LHFPL2: variants seen among roughly 807,000 people sequenced by gnomAD.
LHFPL2 encodes the protein LHFPL tetraspan subfamily member 2.
LHFPL2 carries 7 observed loss-of-function variants against 17.5 expected under a neutral mutation model. The ratio of observed to expected loss-of-function variants is 0.40; its 90% CI spans 0.23 to 0.75. LHFPL2 has a LOEUF of 0.75. Ranked by LOEUF, LHFPL2 falls within the 30% of genes least tolerant of loss-of-function variation. The pLI is 0.37. For synonymous variants in LHFPL2, 134 were observed against 116.2 expected (o/e 1.15, Z -0.99); for missense variants, 241 against 294.8 (o/e 0.82, Z 1.34).
intron 3 of LHFPL2, among the ~76,000 whole-genome samples, chr5:78,513,559 G>A (rs975779510): frequency 1.3e-5 from 2 of 152,178 alleles, no homozygotes; most frequent in African/African-American, 4.8e-5. Context: ...TGGTGATATG[G>A]TTTAGCTGTG....
intron 2 of LHFPL2, among the ~76,000 whole-genome samples, chr5:78,603,232 G>C (rs1744086244): frequency 6.6e-6 from 1 of 152,120 alleles, no homozygotes; most frequent in Non-Finnish European, 1.5e-5. Context: ...TGGAAACTGA[G>C]GCTCCGCAGG....
intron 2 of LHFPL2, among the ~76,000 whole-genome samples, chr5:78,583,968 G>A (rs1327136712): frequency 6.6e-6 from 1 of 152,104 alleles, no homozygotes; most frequent in African/African-American, 2.4e-5. Context: ...ATTTATTGGA[G>A]GCTTTGTTCA....
intron 4 of LHFPL2, among the ~76,000 whole-genome samples, chr5:78,492,240 TTAGCTGC>T (rs1561302861): frequency 6.6e-6 from 1 of 152,240 alleles, no homozygotes; most frequent in Non-Finnish European, 1.5e-5. Context: ...TGAGGCAGCA[TTAGCTGC>T]TCTTCCCTTT....
Position 78,503,928 on chromosome 5 carries a change from G to A in LHFPL2, c.430+5856C>T, listed in dbSNP as rs541260027. ...AGAACTCAGCAAGTTGTAGACCTGCGTCTACAGGTCTCTGCACATAGTAGG... is the reference window on the plus strand; with the variant it reads ...AGAACTCAGCAAGTTGTAGACCTGCATCTACAGGTCTCTGCACATAGTAGG... On this transcript the variant is annotated intron_variant, in intron 4 of 4. Transcript: ENST00000380345. Among the ~76,000 whole-genome samples, 5 of 152,238 alleles carry A rather than the reference G, an allele frequency of 3.3e-5. No individual in the cohort carries two copies. In the East Asian group the frequency reaches 5.8e-4, roughly 18 times the overall value.
At chr5:78,605,318 G>A (rs905040786) in intron 2 of LHFPL2, among the ~76,000 whole-genome samples, 1 of 152,144 alleles carries the variant, frequency 6.6e-6, no homozygotes, top group Non-Finnish European at 1.5e-5. Context: ...AAAGCTGGTG[G>A]GCATCAGGAT....
rs1028664003 is a variant in LHFPL2, at chr5:78,486,964, A to G, written c.*1933T>C. 6.6e-6 allele frequency: 1 copy of G among 152,226 alleles called. No homozygotes were observed. Among genetic ancestry groups the G allele is most frequent in the African/African-American group, 2.4e-5 (1 of 41,450 alleles). 9.4% of individuals were successfully genotyped at this position (152,226 alleles called of 1,614,324 possible). On this transcript the variant is annotated 3_prime_UTR_variant, in exon 5 of 5. Coordinates refer to ENST00000380345, the MANE Select transcript of LHFPL2 (RefSeq NM_005779.3). The stretch of plus-strand genomic sequence containing the variant: ...GTTTGAGACTTGGTTAGAACATTAT[A>G]AATGTACACACAGAGACAGAAGCTT...
At chr5:78,542,675 G>A (rs958949147) in intron 3 of LHFPL2, among the ~76,000 whole-genome samples, 3 of 152,134 alleles carry the variant, frequency 2.0e-5, no homozygotes, top group Non-Finnish European at 4.4e-5. Flanking sequence ...CTTTCAGACT[G>A]CTTCTCCCAC....
At chr5:78,542,662 T>C (rs368203906) in intron 3 of LHFPL2, among the ~76,000 whole-genome samples, 16 of 152,278 alleles carry the variant, frequency 1.1e-4, no homozygotes, top group South Asian at 8.3e-4. Context: ...AGGGAAGCCT[T>C]GCCTTTCAGA....
intron 1 of LHFPL2, among the ~76,000 whole-genome samples, chr5:78,634,199 A>C (rs941616643): frequency 6.6e-6 from 1 of 152,226 alleles, no homozygotes; most frequent in Non-Finnish European, 1.5e-5. Flanking sequence ...CTTTCTTTAC[A>C]AAAGGGGTTA....
At chr5:78,635,727 C>CGGGAGGCAGAGCTTGCA (rs1186019590) in intron 1 of LHFPL2, among the ~76,000 whole-genome samples, 1 of 152,072 alleles carries the variant, frequency 6.6e-6, no homozygotes, top group African/African-American at 2.4e-5. Flanking sequence ...GGTGTGAACC[C>CGGGAGGCAGAGCTTGCA]GGGAGGCAGA....
chr5:78,584,052 C>T (rs1743267160), intron 2 of LHFPL2, among the ~76,000 whole-genome samples: 1 of 152,040 alleles, frequency 6.6e-6, no homozygotes, highest in Non-Finnish European at 1.5e-5. Flanking sequence ...ATCGCTGATA[C>T]CCTTTCTTCC....
chr5:78,557,701 T>A (rs1756616139), intron 3 of LHFPL2, among the ~76,000 whole-genome samples: 1 of 152,196 alleles, frequency 6.6e-6, no homozygotes, highest in Admixed American at 6.5e-5. Context: ...ATCAGGTACG[T>A]TTCCAAGTTC....
intron 3 of LHFPL2, among the ~76,000 whole-genome samples, chr5:78,539,719 G>C (rs1756050499): frequency 6.6e-6 from 1 of 152,072 alleles, no homozygotes; most frequent in African/African-American, 2.4e-5. Flanking sequence ...ATCTGAGTTG[G>C]TGGGATGCAG....
chr5:78,508,992 T>C (rs6874671), intron 4 of LHFPL2, among the ~76,000 whole-genome samples: 138,175 of 152,252 alleles, frequency 0.91, 62,933 homozygotes, highest in African/African-American at 0.98. Context: ...GGTTCAGGAC[T>C]CACCTTTCAA....
At chr5:78,580,560 A>C (rs934509528) in intron 2 of LHFPL2, among the ~76,000 whole-genome samples, 4 of 150,212 alleles carry the variant, frequency 2.7e-5, no homozygotes, top group African/African-American at 9.7e-5. Context: ...AGCTTTCTAC[A>C]TATGGCTAGC....
chr5:78,631,487 G>T lies in LHFPL2; in HGVS notation c.-245+777C>A, dbSNP rs185445464. Among the ~76,000 whole-genome samples, 169 of 152,318 alleles carry T rather than the reference G, an allele frequency of 1.1e-3. 1 individual carries two copies. The highest frequency in any genetic ancestry group is 3.8e-3 in the African/African-American group (160 of 41,592). ...GAGATGGTACCAAAAGGAACTCACAGACAAGAGGAAAAAGATGTGCACAAA... is the reference window on the plus strand; with the variant it reads ...GAGATGGTACCAAAAGGAACTCACATACAAGAGGAAAAAGATGTGCACAAA... On this transcript the variant is annotated intron_variant, in intron 2 of 4. Coordinates refer to ENST00000380345, the MANE Select transcript of LHFPL2 (RefSeq NM_005779.3).
At chr5:78,541,413 T>G (rs1027902388) in intron 3 of LHFPL2, among the ~76,000 whole-genome samples, 9 of 152,210 alleles carry the variant, frequency 5.9e-5, no homozygotes, top group Non-Finnish European at 8.8e-5. Flanking sequence ...AGCGCAGCCC[T>G]GGGATGTGGG....
At chr5:78,562,942 G>C (rs143721889) in intron 3 of LHFPL2, among the ~76,000 whole-genome samples, 323 of 152,284 alleles carry the variant, frequency 2.1e-3, no homozygotes, top group African/African-American at 7.6e-3. Context: ...ACCCACAAAG[G>C]GGGGACTAAG....
At chr5:78,572,374 T>C (rs918644373) in intron 2 of LHFPL2, among the ~76,000 whole-genome samples, 1 of 152,026 alleles carries the variant, frequency 6.6e-6, no homozygotes, top group Admixed American at 6.6e-5. Context: ...ATCTGAGCTA[T>C]CTCTTCAAAG....
Sources: allele counts gnomAD v4.1 joint callset (sites outside exome capture counted in the v4.1 genomes callset), GRCh38; gene constraint gnomAD v4.1.1; transcripts MANE v1.5; gene names NCBI Gene and HGNC (gene_info 2026-07-23, HGNC 2026-07-21).